CNDP1: variants seen among roughly 807,000 people sequenced by gnomAD.
CNDP1 encodes beta-Ala-His dipeptidase.
CNDP1 carries 44 observed loss-of-function variants against 58.1 expected under a neutral mutation model. The ratio of observed to expected loss-of-function variants is 0.76; its 90% CI spans 0.60 to 0.97. The LOEUF is 0.97. Ranked by LOEUF, CNDP1 falls within the 50% of genes least tolerant of loss-of-function variation. The probability of loss-of-function intolerance (pLI) is 0.00; values close to 1 mark genes in which losing one functional copy is unlikely to be tolerated. For missense variants in CNDP1, 616 were observed against 655.1 expected, an observed-to-expected ratio of 0.94 and a Z score of 0.65; for synonymous variants, 254 against 252.6, an observed-to-expected ratio of 1.01 and a Z score of -0.05.
intron 1 of CNDP1, among the ~76,000 whole-genome samples, chr18:74,541,472 G>T (rs1485203773): frequency 2.6e-5 from 4 of 152,174 alleles, no homozygotes; most frequent in Non-Finnish European, 4.4e-5. Flanking sequence ...CTGGAGCTGA[G>T]AGCCAGCTCC....
At chr18:74,534,770 C>T (rs1980444822) in intron 1 of CNDP1, 79 bp downstream of exon 1, 1 of 1,564,208 alleles carries the variant, frequency 6.4e-7, no homozygotes, top group African/African-American at 1.4e-5. Flanking sequence ...TGCGTTAAGC[C>T]CAGTTGGGCA....
At position 74,556,461 on chromosome 18, in the gene CNDP1, G is replaced by T. The variant is rs1300216454; in HGVS notation, c.148G>T (p.Val50Leu). 1.2e-6 allele frequency: 2 copies of T among 1,614,180 alleles called. No homozygotes were observed. The highest frequency in any genetic ancestry group is 1.7e-5 in the Admixed American group (1 of 60,020). ...CATTGACCTCCATCAGGATGAATTT[G>T]TGCAGGTAGGAGAAAGAAACTACAC... is the stretch of plus-strand genomic sequence containing the variant. ...QYIDLHQDEF[V>L]QTLKEWVAIE... Residue 50 changes from valine (V) to leucine (L), a missense_variant, in exon 2 of 12, where the codon GTG becomes TTG. Physicochemically the swap from Val to Leu is conservative, Grantham distance 32. Coordinates refer to ENST00000358821, the MANE Select transcript of CNDP1 (RefSeq NM_032649.6).
intron 6 of CNDP1, 81 bp from the exon 7 acceptor site, chr18:74,571,105 T>A: frequency 5.6e-6 from 5 of 886,758 alleles, no homozygotes; most frequent in African/African-American, 1.7e-5. Context: ...CACACGCAGA[T>A]ATGTATTTCA....
chr18:74,541,317 A>G (rs1215099289), intron 1 of CNDP1, among the ~76,000 whole-genome samples: 1 of 152,194 alleles, frequency 6.6e-6, no homozygotes, highest in Non-Finnish European at 1.5e-5. Flanking sequence ...TGCACTGTCT[A>G]GGGCAGCTGT....
intron 1 of CNDP1, among the ~76,000 whole-genome samples, chr18:74,538,911 G>A (rs1468353633): frequency 2.0e-5 from 3 of 152,090 alleles, no homozygotes; most frequent in South Asian, 2.1e-4. Context: ...TTTCAACTTC[G>A]AGTATAAAAA....
intron 1 of CNDP1, among the ~76,000 whole-genome samples, chr18:74,542,155 G>A (rs771732275): frequency 1.3e-5 from 2 of 152,230 alleles, no homozygotes; most frequent in African/African-American, 2.4e-5. Context: ...ACCTTGTACT[G>A]CAGGCCAGAG....
chr18:74,539,962 A>G (rs1980576285), intron 1 of CNDP1, among the ~76,000 whole-genome samples: 1 of 152,210 alleles, frequency 6.6e-6, no homozygotes, highest in Non-Finnish European at 1.5e-5. Context: ...CATATCTTGA[A>G]GGTGAGCACA....
intron 1 of CNDP1, among the ~76,000 whole-genome samples, chr18:74,546,549 C>A (rs1052256994): frequency 1.3e-5 from 2 of 152,120 alleles, no homozygotes; most frequent in African/African-American, 4.8e-5. Flanking sequence ...CGTATTCTCT[C>A]GTGCCACCCC....
Position 74,560,956 on chromosome 18 carries a change from TGC to T in CNDP1, c.405_406del (p.Gln136AlafsTer3). The T allele has an allele frequency of 1.2e-6, 2 of 1,614,174 alleles. No individual in the cohort carries two copies. Reference sequence around the variant, plus strand: ...GTGTGCTTCTACGGCCACTTGGACGTGCAGCCTGCTGACCGGGGCGATGGGTG... The same window carrying T: ...GTGTGCTTCTACGGCCACTTGGACGTAGCCTGCTGACCGGGGCGATGGGTG... On this transcript the variant is annotated frameshift_variant, in exon 4 of 12. Coordinates refer to ENST00000358821, the MANE Select transcript of CNDP1 (RefSeq NM_032649.6). LOFTEE classifies it high-confidence loss of function.
At chr18:74,556,588 T>A (rs1303090788) in intron 2 of CNDP1, 122 bp downstream of exon 2, 3 of 1,087,504 alleles carry the variant, frequency 2.8e-6, no homozygotes, top group Non-Finnish European at 4.1e-6. Flanking sequence ...TTAAAATGCC[T>A]ATGACTGCTC....
rs35859995 is a variant in CNDP1 at position 74,585,994 on chromosome 18, CAAAAAAAAAAAAA to C, written c.*1445_*1457del. 7.3e-5 allele frequency: 5 copies of C among 68,208 alleles called. No individual in the cohort carries two copies. Among genetic ancestry groups the C allele is most frequent in the African/African-American group, 1.8e-4 (3 of 16,342 alleles). 4.2% of individuals were successfully genotyped at this position (68,208 alleles called of 1,614,324 possible). A position where few individuals can be genotyped will look rare whatever the true frequency, so the allele number is the denominator to read the frequency against. ...GGGCGACAGAGTGAGACTCCGTCTC[CAAAAAAAAAAAAA>C]AAAAAAAAAAAAGCAGAACACATTT... On this transcript the variant is annotated 3_prime_UTR_variant, in exon 12 of 12. Transcript: ENST00000358821.
intron 1 of CNDP1, among the ~76,000 whole-genome samples, chr18:74,548,418 A>G (rs1464935194): frequency 6.6e-6 from 1 of 152,158 alleles, no homozygotes; most frequent in Admixed American, 6.5e-5. Flanking sequence ...ACCTTACACC[A>G]TGGGTAAAAG....
intron 7 of CNDP1, among the ~76,000 whole-genome samples, chr18:74,572,964 T>G (rs1981524208): frequency 6.6e-6 from 1 of 152,174 alleles, no homozygotes. Flanking sequence ...GCCCAGGTGT[T>G]GGGAGGATCT....
chr18:74,571,569 C>T (rs967467948), intron 7 of CNDP1, among the ~76,000 whole-genome samples: 2 of 152,134 alleles, frequency 1.3e-5, no homozygotes, highest in African/African-American at 4.8e-5. Flanking sequence ...ACTGACAGGC[C>T]ACCCTGACTC....
intron 1 of CNDP1, among the ~76,000 whole-genome samples, chr18:74,536,814 T>C (rs892407794): frequency 6.6e-6 from 1 of 152,244 alleles, no homozygotes; most frequent in African/African-American, 2.4e-5. Flanking sequence ...TGTTATTTTT[T>C]GACTTTTTAA....
intron 2 of CNDP1, among the ~76,000 whole-genome samples, chr18:74,558,971 C>A (rs1981114978): frequency 6.6e-6 from 1 of 152,118 alleles, no homozygotes; most frequent in East Asian, 1.9e-4. Context: ...AAGCTGAGAA[C>A]CCACCAGCTC....
chr18:74,559,240 G>C, intron 2 of CNDP1, 83 bp from the exon 3 acceptor site: 2 of 1,400,748 alleles, frequency 1.4e-6, no homozygotes, highest in Non-Finnish European at 2.0e-6. Context: ...CTGGGGACTC[G>C]CTGTCTCCTG....
chr18:74,577,190 G>A (rs913523780), intron 8 of CNDP1, 161 bp downstream of exon 8: 20 of 600,166 alleles, frequency 3.3e-5, no homozygotes, highest in East Asian at 9.7e-5. Context: ...CCACTTCCCC[G>A]TGGGCTGGAT....
intron 1 of CNDP1, among the ~76,000 whole-genome samples, chr18:74,535,225 C>G (rs1256083647): frequency 6.6e-6 from 1 of 152,192 alleles, no homozygotes; most frequent in Non-Finnish European, 1.5e-5. Flanking sequence ...AACAAGCAGG[C>G]AGGTACCTTT....
Sources: allele counts gnomAD v4.1 joint callset (sites outside exome capture counted in the v4.1 genomes callset), GRCh38; gene constraint gnomAD v4.1.1; transcripts MANE v1.5; gene names NCBI Gene and HGNC (gene_info 2026-07-23, HGNC 2026-07-21).